Variants in ZNF804B observed in about 807,000 individuals in gnomAD.
ZNF804B encodes the protein zinc finger 804B.
ZNF804B carries 80 observed loss-of-function variants against 101.4 expected under a neutral mutation model. That is an observed-to-expected ratio of 0.79 (90% CI 0.66 to 0.95). ZNF804B has a LOEUF of 0.95. Ranked by LOEUF, ZNF804B falls within the 40% of genes least tolerant of loss-of-function variation. The pLI, the probability that ZNF804B is intolerant of heterozygous loss-of-function variation, is 0.00. For synonymous variants in ZNF804B, 622 were observed against 558.8 expected, an observed-to-expected ratio of 1.11 and a Z score of -1.59; for missense variants, 1,673 against 1,561.9, an observed-to-expected ratio of 1.07 and a Z score of -1.20.
chr7:88,838,209 A>G (rs1042682717), intron 1 of ZNF804B, among the ~76,000 whole-genome samples: 4 of 151,876 alleles, frequency 2.6e-5, no homozygotes, highest in Non-Finnish European at 4.4e-5. Flanking sequence ...AATACGCTCA[A>G]TTCTTTTGTT....
intron 1 of ZNF804B, among the ~76,000 whole-genome samples, chr7:89,116,711 G>A (rs1003816869): frequency 1.2e-4 from 18 of 152,044 alleles, no homozygotes; most frequent in African/African-American, 3.1e-4. Context: ...ATTTACCAGC[G>A]TATTTCCTTA....
At chr7:88,986,874 A>C (rs1793765916) in intron 1 of ZNF804B, among the ~76,000 whole-genome samples, 1 of 152,086 alleles carries the variant, frequency 6.6e-6, no homozygotes, top group South Asian at 2.1e-4. Flanking sequence ...ACAAAGCTAA[A>C]CTATTTGCCA....
At chr7:89,327,601 T>C (rs997966887) in intron 3 of ZNF804B, 127 bp downstream of exon 3, 3 of 1,259,382 alleles carry the variant, frequency 2.4e-6, no homozygotes, top group Admixed American at 2.8e-5. Flanking sequence ...GAAGGGCAAA[T>C]ATAGTTAAAC....
rs552202339 is a variant in ZNF804B at position 88,790,677 on chromosome 7, T to C, written c.108+30593T>C. 1.0e-3 allele frequency among the ~76,000 whole-genome samples: 154 copies of C among 152,240 alleles called. 3 individuals are homozygous for C. Among genetic ancestry groups the C allele is most frequent in the Middle Eastern group, 3.4e-3 (1 of 294 alleles). ...TCACATATACATATATCACATTTTCTTTATCCAGTCTATCACTGATGGGCA... is the reference window on the plus strand; with the variant it reads ...TCACATATACATATATCACATTTTCCTTATCCAGTCTATCACTGATGGGCA... On this transcript the variant is annotated intron_variant, in intron 1 of 3. Coordinates refer to ENST00000333190, the MANE Select transcript of ZNF804B (RefSeq NM_181646.5).
intron 2 of ZNF804B, among the ~76,000 whole-genome samples, chr7:89,266,029 T>C (rs1789788450): frequency 6.6e-6 from 1 of 152,242 alleles, no homozygotes; most frequent in Admixed American, 6.5e-5. Flanking sequence ...AGTATTCTGC[T>C]ATTGCCTAGG....
intron 1 of ZNF804B, among the ~76,000 whole-genome samples, chr7:89,013,209 T>C (rs549716634): frequency 1.8e-4 from 27 of 152,310 alleles, no homozygotes; most frequent in African/African-American, 6.5e-4. Context: ...TTCAATATTT[T>C]GTCCTGAAAG....
At chr7:89,216,120 A>G (rs992256208) in intron 1 of ZNF804B, among the ~76,000 whole-genome samples, 2 of 151,950 alleles carry the variant, frequency 1.3e-5, no homozygotes, top group African/African-American at 4.8e-5. Context: ...CCTAGCTAAC[A>G]TGGTGAAACC....
Position 89,335,724 on chromosome 7 carries a change from C to T in ZNF804B, c.2742C>T (p.Asn914=). Residue 914 remains asparagine, a synonymous_variant, in exon 4 of 4, where the codon AAC becomes AAT. Coordinates refer to ENST00000333190, the MANE Select transcript of ZNF804B (RefSeq NM_181646.5). ...GCCCTTCAGAAACCACAGAATCAAA[C>T]ACTGCAGAAGGAGAGAGGACCCCTC... ...SSGPSETTES[N]TAEGERTPLT... 1 of 1,614,000 alleles carries T rather than the reference C, an allele frequency of 6.2e-7. No individual in the cohort carries two copies. Among genetic ancestry groups the T allele is most frequent in the Non-Finnish European group, 8.5e-7 (1 of 1,179,962 alleles).
chr7:88,934,774 A>C lies in ZNF804B; in HGVS notation c.108+174690A>C, dbSNP rs1319502521. Among the ~76,000 whole-genome samples the C allele has an allele frequency of 2.0e-5, 3 of 151,942 alleles. No homozygotes were observed. In the East Asian group the frequency reaches 5.8e-4, roughly 29 times the overall value. ...GGTGTCGATGTGTTGAAAAGTGAAC[A>C]CCTTTACATTCCTGGTGGGAATGTA... On this transcript the variant is annotated intron_variant, in intron 1 of 3. Coordinates refer to ENST00000333190, the MANE Select transcript of ZNF804B (RefSeq NM_181646.5).
intron 1 of ZNF804B, among the ~76,000 whole-genome samples, chr7:89,041,145 C>T (rs1789011023): frequency 6.6e-6 from 1 of 152,086 alleles, no homozygotes; most frequent in African/African-American, 2.4e-5. Flanking sequence ...TGAGGACTAA[C>T]CTCACACTGT....
intron 1 of ZNF804B, among the ~76,000 whole-genome samples, chr7:88,854,670 T>C (rs1791528810): frequency 6.7e-6 from 1 of 149,718 alleles, no homozygotes; most frequent in Non-Finnish European, 1.5e-5. Flanking sequence ...TAGTTACATG[T>C]GTATACATGT....
At chr7:89,238,606 A>G (rs958286799) in intron 2 of ZNF804B, among the ~76,000 whole-genome samples, 3 of 152,238 alleles carry the variant, frequency 2.0e-5, no homozygotes, top group Non-Finnish European at 4.4e-5. Flanking sequence ...AAAAATCCCA[A>G]AAACCACTCA....
intron 2 of ZNF804B, among the ~76,000 whole-genome samples, chr7:89,280,170 A>G (rs1284641584): frequency 2.6e-5 from 4 of 152,192 alleles, no homozygotes; most frequent in Non-Finnish European, 5.9e-5. Flanking sequence ...TGGGTACATA[A>G]CGAAATGAAG....
At chr7:88,854,053 T>G (rs549120222) in intron 1 of ZNF804B, among the ~76,000 whole-genome samples, 2 of 152,304 alleles carry the variant, frequency 1.3e-5, no homozygotes, top group South Asian at 4.1e-4. Flanking sequence ...TTTTAATTCT[T>G]TAACTAAATG....
Position 88,759,714 on chromosome 7 carries a change from A to G in ZNF804B, c.-263A>G, listed in dbSNP as rs1789854767. 2 of 490,378 alleles carry G rather than the reference A, an allele frequency of 4.1e-6. No homozygotes were observed. The highest frequency in any genetic ancestry group is 7.4e-6 in the Non-Finnish European group (2 of 270,850). 30.4% of individuals were successfully genotyped at this position (490,378 alleles called of 1,614,324 possible). On this transcript the variant is annotated 5_prime_UTR_variant, in exon 1 of 4. Coordinates refer to ENST00000333190, the MANE Select transcript of ZNF804B (RefSeq NM_181646.5). The stretch of plus-strand genomic sequence containing the variant: ...CGCGGTTGAGCAGCCACCTCGTCAG[A>G]GCAGCATGTGGACTGGCTCGCCGGG...
chr7:88,916,699 G>T (rs537858195), intron 1 of ZNF804B, among the ~76,000 whole-genome samples: 1 of 152,152 alleles, frequency 6.6e-6, no homozygotes, highest in South Asian at 2.1e-4. Flanking sequence ...ATATGGCATT[G>T]AAATATTGTA....
At chr7:89,293,697 G>A (rs10224435) in intron 2 of ZNF804B, among the ~76,000 whole-genome samples, 74,125 of 151,766 alleles carry the variant, frequency 0.49, 18,599 homozygotes, top group Middle Eastern at 0.65. Context: ...GCTGAGGCAG[G>A]AGAATGGCGT....
intron 1 of ZNF804B, among the ~76,000 whole-genome samples, chr7:88,967,695 T>C (rs1467770228): frequency 1.4e-5 from 2 of 138,816 alleles, no homozygotes; most frequent in Non-Finnish European, 3.0e-5. Context: ...AAGTCATGAA[T>C]GATGACTAGA....
At chr7:88,812,526 G>GAATCAA (rs1425968317) in intron 1 of ZNF804B, among the ~76,000 whole-genome samples, 6 of 152,196 alleles carry the variant, frequency 3.9e-5, no homozygotes, top group African/African-American at 1.2e-4. Context: ...GTAGCCAAAA[G>GAATCAA]AATCAAAAGT....
Sources: allele counts gnomAD v4.1 joint callset (sites outside exome capture counted in the v4.1 genomes callset), GRCh38; gene constraint gnomAD v4.1.1; transcripts MANE v1.5; gene names NCBI Gene and HGNC (gene_info 2026-07-23, HGNC 2026-07-21).